The following AHNAK2 variants were observed in gnomAD, a reference collection of about 807,000 sequenced individuals.
AHNAK2 encodes the protein protein AHNAK2.
Under a neutral mutation model 30.7 loss-of-function variants are expected in AHNAK2, and 18 were observed. The ratio of observed to expected loss-of-function variants is 0.59; its 90% CI spans 0.41 to 0.87. AHNAK2 has a LOEUF of 0.87. Ranked by LOEUF, AHNAK2 falls within the 40% of genes least tolerant of loss-of-function variation. The pLI, the probability that AHNAK2 is intolerant of heterozygous loss-of-function variation, is 0.00. For missense variants in AHNAK2, 8,604 were observed against 7,373.0 expected, an observed-to-expected ratio of 1.17 and a Z score of -6.11; for synonymous variants, 3,590 against 3,073.8, an observed-to-expected ratio of 1.17 and a Z score of -5.56.
chr14:104,948,335 G>C lies in AHNAK2; in HGVS notation c.7116C>G (p.Ser2372=). ...GGCCAGCCTGGACCTCCAGGTCAGC[G>C]GAAGGGGGCTGAACGCTGAGGTCAG... ...KTTDLSVQPP[S]ADLEVQAGQV... is the part of the protein sequence containing the mutation. The change falls in exon 7 of 7, where the codon TCC becomes TCG. Residue 2372 remains serine (S), a synonymous_variant. Transcript: ENST00000333244. The C allele has an allele frequency of 1.2e-6, 2 of 1,612,648 alleles. No individual in the cohort carries two copies. Among genetic ancestry groups the C allele is most frequent in the South Asian group, 1.1e-5 (1 of 91,034 alleles).
rs778659637 is a variant in AHNAK2 at position 104,951,983 on chromosome 14, C to G, written c.3468G>C (p.Val1156=). ...EGELSLADKD[V]TAKDSRFKMP... Reference sequence around the variant, plus strand: ...TTTTGAACCTGCTGTCTTTGGCAGTCACATCCTTGTCGGCCAGGGACAGTT... The same window carrying G: ...TTTTGAACCTGCTGTCTTTGGCAGTGACATCCTTGTCGGCCAGGGACAGTT... The change falls in exon 7 of 7, where the codon GTG becomes GTC. Residue 1156 remains valine, a synonymous_variant. Transcript: ENST00000333244. 6 of 1,612,286 alleles carry G rather than the reference C, an allele frequency of 3.7e-6. No individual in the cohort carries two copies. The Admixed American group carries it at 6.7e-5, about 18-fold the overall frequency.
chr14:104,956,507 C>T, intron 4 of AHNAK2, 81 bp downstream of exon 4: 1 of 1,442,890 alleles, frequency 6.9e-7, no homozygotes, highest in Non-Finnish European at 9.7e-7. Context: ...TCCTCCCCTG[C>T]CTGCTCTGAC....
chr14:104,958,759 G>T (rs1899050842), intron 1 of AHNAK2, among the ~76,000 whole-genome samples: 1 of 152,152 alleles, frequency 6.6e-6, no homozygotes, highest in African/African-American at 2.4e-5. Context: ...AGAGGCAGAA[G>T]AGAGAGTTGA....
In AHNAK2 at chr14:104,947,959, G is replaced by T; in HGVS notation, c.7492C>A (p.Pro2498Thr). The T allele has an allele frequency of 6.2e-7, 1 of 1,612,898 alleles. No homozygotes were observed. Among genetic ancestry groups the T allele is most frequent in the Non-Finnish European group, 8.5e-7 (1 of 1,179,636 alleles). ...ACCGAGGCCTCGATGGACTTGCCTG[G>T]GGCAGACACCCCGAATGACGGCATC... ...FKMPSFGVSAPGKSIEASVDV... is the reference protein window; with the variant it reads ...FKMPSFGVSATGKSIEASVDV... Residue 2498 changes from proline (P) to threonine (T), a missense_variant, in exon 7 of 7, where the codon CCA becomes ACA. Pro to Thr is a conservative substitution (Grantham distance 38). Transcript: ENST00000333244.
At chr14:104,973,081 A>C (rs1183511544) in intron 1 of AHNAK2, among the ~76,000 whole-genome samples, 1 of 152,148 alleles carries the variant, frequency 6.6e-6, no homozygotes, top group African/African-American at 2.4e-5. Context: ...GGCCCCACCT[A>C]CCGGACCCCT....
chr14:104,939,082 C>T lies in AHNAK2; in HGVS notation c.16369G>A (p.Ala5457Thr), dbSNP rs911716375. 23 of 1,603,472 alleles carry T rather than the reference C, an allele frequency of 1.4e-5. No homozygotes were observed. Among genetic ancestry groups the T allele is most frequent in the Non-Finnish European group, 1.8e-5 (21 of 1,174,946 alleles). The part of the protein sequence containing the change: ...QPVDLNLPLE[A>T]PPISKVRVHI... ...ACTCTGACCTTTGAAATTGGGGGAG[C>T]TTCCAAAGGCAGGTTAAGGTCCACA... is the stretch of plus-strand genomic sequence containing the variant. The change falls in exon 7 of 7, where the codon GCT becomes ACT. Residue 5457 changes from alanine (A) to threonine (T), a missense_variant. Ala to Thr is a moderately conservative substitution (Grantham distance 58). Transcript: ENST00000333244.
rs185376069 is a variant in AHNAK2, at chr14:104,956,931, C to T, written c.214-242G>A. The stretch of plus-strand genomic sequence containing the variant: ...CCCACAGCACCCACCCTACAGCCCA[C>T]AGCGCCCATAGGGAAGCCCCACAGC... On this transcript the variant is annotated intron_variant, in intron 3 of 6. Transcript: ENST00000333244. Among the ~76,000 whole-genome samples the T allele has an allele frequency of 5.0e-3, 765 of 152,332 alleles. 5 individuals are homozygous for T. Among genetic ancestry groups the T allele is most frequent in the African/African-American group, 0.017 (718 of 41,574 alleles).
In AHNAK2 at chr14:104,952,933, T is replaced by C; in HGVS notation, c.2518A>G (p.Met840Val). Reference sequence around the variant, plus strand: ...GGGGCCGACACCCCGAATGATGGCATCTTGAACTTGGGCATTTTGAACTTG... The same window carrying C: ...GGGGCCGACACCCCGAATGATGGCACCTTGAACTTGGGCATTTTGAACTTG... ...DSKFKMPKFK[M>V]PSFGVSAPGK... Residue 840 changes from methionine to valine, a missense_variant, in exon 7 of 7, where the codon ATG (methionine) becomes GTG (valine). By Grantham distance (21) the Met-to-Val change is conservative. Transcript: ENST00000333244. 6.2e-7 allele frequency: 1 copy of C among 1,611,324 alleles called. No individual in the cohort carries two copies. Among genetic ancestry groups the C allele is most frequent in the Non-Finnish European group, 8.5e-7 (1 of 1,179,230 alleles).
At chr14:104,957,271 TGA>T in intron 3 of AHNAK2, 137 bp downstream of exon 3, 1 of 774,278 alleles carries the variant, frequency 1.3e-6, no homozygotes, top group Non-Finnish European at 2.0e-6. Context: ...CAGAGGAGTC[TGA>T]GAGGACATCT....
chr14:104,950,941 C>G lies in AHNAK2; in HGVS notation c.4510G>C (p.Gly1504Arg), dbSNP rs371283140. The stretch of plus-strand genomic sequence containing the variant: ...ATGGACTTGCCTGGGGCAGACACCC[C>G]GAACGACGGCATCTTGAACTTGGGC... ...KMPKFKMPSF[G>R]VSAPGKSIEA... The change falls in exon 7 of 7, where the codon GGG becomes CGG. Residue 1504 changes from glycine (G) to arginine (R), a missense_variant. Physicochemically the swap from Gly to Arg is moderately radical, Grantham distance 125. Transcript: ENST00000333244. 1 of 1,536,082 alleles carries G rather than the reference C, an allele frequency of 6.5e-7. No individual in the cohort carries two copies. The highest frequency in any genetic ancestry group is 1.8e-5 in the Admixed American group (1 of 54,556).
chr14:104,976,776 TGAG>T (rs1218758215), intron 1 of AHNAK2, among the ~76,000 whole-genome samples: 3 of 149,040 alleles, frequency 2.0e-5, no homozygotes, highest in Non-Finnish European at 4.5e-5. Flanking sequence ...TGCCCGTGAG[TGAG>T]GAGGAAGCAG....
Position 104,954,471 on chromosome 14 carries a change from C to A in AHNAK2, c.980G>T (p.Arg327Ile). 6.2e-7 allele frequency: 1 copy of A among 1,612,866 alleles called. No individual in the cohort carries two copies. The highest frequency in any genetic ancestry group is 8.5e-7 in the Non-Finnish European group (1 of 1,179,616). Residue 327 changes from arginine (R) to isoleucine (I), a missense_variant, in exon 7 of 7, where the codon AGA (arginine) becomes ATA (isoleucine). Transcript: ENST00000333244. The surrounding 1 kb of genome is among the most constrained non-coding windows in gnomAD (Gnocchi z 4.3). ...GCCCTGTCCCGAGCCTGTCCTGAAT[C>A]TGAGGTTGAGGAACTTCCGCCTCCT... ...SQRRRKFLNLRFRTGSGQGPS... is the reference protein window; with the variant it reads ...SQRRRKFLNLIFRTGSGQGPS...
At chr14:104,971,063 G>A (rs186793319) in intron 1 of AHNAK2, among the ~76,000 whole-genome samples, 6 of 152,212 alleles carry the variant, frequency 3.9e-5, no homozygotes, top group Admixed American at 6.5e-5. Flanking sequence ...AACTCACAGC[G>A]GCCACCACAC....
chr14:104,942,851 T>G lies in AHNAK2; in HGVS notation c.12600A>C (p.Lys4200Asn). The G allele has an allele frequency of 6.2e-7, 1 of 1,611,400 alleles. No individual in the cohort carries two copies. Among genetic ancestry groups the G allele is most frequent in the Non-Finnish European group, 8.5e-7 (1 of 1,179,122 alleles). ...CCTTGGGCAGGGGGCCCTCCGGGAG[T>G]TTCACGTCCACTTGGCCAGCCTGGA... ...LEVQAGQVDVKLPEGPLPKGA... is the reference protein window; with the variant it reads ...LEVQAGQVDVNLPEGPLPKGA... The change falls in exon 7 of 7, where the codon AAA (lysine) becomes AAC (asparagine). Residue 4200 changes from lysine to asparagine, a missense_variant. Coordinates refer to ENST00000333244, the MANE Select transcript of AHNAK2 (RefSeq NM_138420.4).
In AHNAK2 at chr14:104,946,724, C is replaced by T. The variant is rs773292421; in HGVS notation, c.8727G>A (p.Val2909=). ...CGTCTATCTGGGGGCCCTTGAGATCCACTTTGGGCATCTTGAAACTGGGCA... is the reference window on the plus strand; with the variant it reads ...CGTCTATCTGGGGGCCCTTGAGATCTACTTTGGGCATCTTGAAACTGGGCA... ...VQMPSFKMPK[V]DLKGPQIDVK... is the part of the protein sequence containing the mutation. The change falls in exon 7 of 7, where the codon GTG becomes GTA. Residue 2909 remains valine (V), a synonymous_variant. Transcript: ENST00000333244. 947 of 1,606,048 alleles carry T rather than the reference C, an allele frequency of 5.9e-4. 1 individual carries two copies. The African/African-American group carries it at 0.011, about 18-fold the overall frequency.
intron 1 of AHNAK2, among the ~76,000 whole-genome samples, chr14:104,973,201 T>A: frequency 6.6e-6 from 1 of 152,190 alleles, no homozygotes; most frequent in East Asian, 1.9e-4. Context: ...ACCTAGGCCA[T>A]CCGGCATGTC....
rs368942002 is a variant in AHNAK2 at position 104,948,604 on chromosome 14, T to A, written c.6847A>T (p.Ser2283Cys). ...TAPDVEVSLP[S>C]VEVDVKAPGA... ...GGGGCCTTGACGTCCACCTCCACGC[T>A]GGGCAGAGACACCTCCACATCAGGG... Residue 2283 changes from serine (S) to cysteine (C), a missense_variant, in exon 7 of 7, where the codon AGC becomes TGC. Ser to Cys is a moderately radical substitution (Grantham distance 112). Coordinates refer to ENST00000333244, the MANE Select transcript of AHNAK2 (RefSeq NM_138420.4). The A allele has an allele frequency of 8.7e-6, 14 of 1,612,564 alleles. No individual in the cohort carries two copies. Among genetic ancestry groups the A allele is most frequent in the Non-Finnish European group, 1.1e-5 (13 of 1,179,802 alleles).
At position 104,947,939 on chromosome 14, in the gene AHNAK2, G is replaced by A. The variant is rs778443688; in HGVS notation, c.7512C>T (p.Ala2504=). The A allele has an allele frequency of 2.5e-6, 4 of 1,611,888 alleles. No homozygotes were observed. Among genetic ancestry groups the A allele is most frequent in the Middle Eastern group, 1.7e-4 (1 of 6,046 alleles). ...GVSAPGKSIE[A]SVDVSAPKVE... ...CCTTCGGCGCAGACACATCCACCGA[G>A]GCCTCGATGGACTTGCCTGGGGCAG... Residue 2504 remains alanine, a synonymous_variant, in exon 7 of 7, where the codon GCC becomes GCT. Transcript: ENST00000333244.
chr14:104,952,112 G>T lies in AHNAK2; in HGVS notation c.3339C>A (p.Pro1113=), dbSNP rs572698049. The T allele has an allele frequency of 1.1e-5, 17 of 1,612,212 alleles. No individual in the cohort carries two copies. The South Asian group carries it at 1.3e-4, about 13-fold the overall frequency. The change falls in exon 7 of 7, where the codon CCC becomes CCA. Residue 1113 remains proline, a synonymous_variant. Coordinates refer to ENST00000333244, the MANE Select transcript of AHNAK2 (RefSeq NM_138420.4). ...VKGPKLDLKS[P]KAEVTAPDVE... is the part of the protein sequence containing the mutation. ...CATCAGGGGCTGTGACTTCCGCCTT[G>T]GGGCTTTTCAGGTCCAGCTTGGGGC...
Sources: gnomAD v4.1 joint callset for allele counts (sites outside exome capture counted in the v4.1 genomes callset) on GRCh38, gnomAD v4.1.1 for gene constraint, Gnocchi (gnomAD v3.1) non-coding constraint, MANE v1.5 for transcripts, NCBI Gene and HGNC (gene_info 2026-07-23, HGNC 2026-07-21) for gene names.